DLG2: variants seen among roughly 807,000 people sequenced by gnomAD.
DLG2 encodes disks large homolog 2.
In DLG2, 45 loss-of-function variants were observed where a neutral mutation model predicts 132.5. That is an observed-to-expected ratio of 0.34 (90% confidence interval 0.27 to 0.44). The LOEUF is 0.44. Among genes scored for constraint, DLG2 ranks in the 20% least tolerant of loss-of-function variants. DLG2 has a pLI of 1.00. For synonymous variants in DLG2, 424 were observed against 419.6 expected (o/e 1.01, Z -0.13); for missense variants, 1,045 against 1,196.9 (o/e 0.87, Z 1.87).
At chr11:85,423,382 A>T (rs1177905888) in intron 3 of DLG2, among the ~76,000 whole-genome samples, 2 of 152,180 alleles carry the variant, frequency 1.3e-5, no homozygotes, top group Non-Finnish European at 2.9e-5. Context: ...TGGTGGTTTA[A>T]TGCACTATAT....
intron 10 of DLG2, among the ~76,000 whole-genome samples, chr11:84,082,115 T>C (rs1163853801): frequency 6.6e-6 from 1 of 152,218 alleles, no homozygotes; most frequent in Non-Finnish European, 1.5e-5. Flanking sequence ...GCTGCATAAA[T>C]GTCTTGAACT....
intron 3 of DLG2, among the ~76,000 whole-genome samples, chr11:85,464,363 G>T (rs1390558846): frequency 6.6e-6 from 1 of 152,068 alleles, no homozygotes; most frequent in African/African-American, 2.4e-5. Flanking sequence ...TTCCCTGAAG[G>T]CTTGGAGGTT....
intron 8 of DLG2, among the ~76,000 whole-genome samples, chr11:84,180,467 C>T (rs1183180129): frequency 6.6e-6 from 1 of 151,962 alleles, no homozygotes; most frequent in Non-Finnish European, 1.5e-5. Flanking sequence ...ATATTTGAGG[C>T]AATAATGACT....
At chr11:84,001,655 C>A (rs867825919) in intron 11 of DLG2, among the ~76,000 whole-genome samples, 1 of 152,036 alleles carries the variant, frequency 6.6e-6, no homozygotes, top group Non-Finnish European at 1.5e-5. Context: ...TTCTTATCAG[C>A]GCATGAAACA....
intron 16 of DLG2, among the ~76,000 whole-genome samples, chr11:83,865,549 A>G (rs2062178086): frequency 6.6e-6 from 1 of 152,076 alleles, no homozygotes; most frequent in African/African-American, 2.4e-5. Flanking sequence ...TTCTGTAGAG[A>G]AGGGAGGGGA....
At chr11:83,902,614 G>A (rs913657299) in intron 15 of DLG2, among the ~76,000 whole-genome samples, 1 of 152,140 alleles carries the variant, frequency 6.6e-6, no homozygotes. Flanking sequence ...TTGTAAACAT[G>A]TGCAACCTCC....
intron 7 of DLG2, among the ~76,000 whole-genome samples, chr11:84,484,130 G>T (rs1195939330): frequency 1.3e-5 from 2 of 152,124 alleles, no homozygotes; most frequent in African/African-American, 2.4e-5. Context: ...TACAAGAGAT[G>T]GTTGCACCTC....
intron 7 of DLG2, among the ~76,000 whole-genome samples, chr11:84,323,721 T>C (rs1009484100): frequency 1.3e-5 from 1 of 78,978 alleles, no homozygotes; most frequent in Middle Eastern, 6.0e-3. Flanking sequence ...TCTTTTTTCC[T>C]TTTTTTTTTT....
chr11:84,464,538 T>C (rs2099088988), intron 7 of DLG2, among the ~76,000 whole-genome samples: 1 of 151,222 alleles, frequency 6.6e-6, no homozygotes, highest in Admixed American at 6.6e-5. Flanking sequence ...TAACTATCTG[T>C]TTTGACTTTA....
intron 10 of DLG2, among the ~76,000 whole-genome samples, chr11:84,079,414 G>A (rs943309066): frequency 5.9e-5 from 9 of 152,016 alleles, no homozygotes; most frequent in Non-Finnish European, 1.2e-4. Context: ...CTCCCAAGTA[G>A]CTGGGATTAT....
intron 19 of DLG2, among the ~76,000 whole-genome samples, chr11:83,554,623 A>C (rs1048738926): frequency 2.0e-5 from 3 of 152,182 alleles, no homozygotes; most frequent in Non-Finnish European, 4.4e-5. Context: ...CTATCTAACA[A>C]TATTTACCTC....
At chr11:84,334,984 C>G (rs1261407931) in intron 7 of DLG2, among the ~76,000 whole-genome samples, 1 of 151,806 alleles carries the variant, frequency 6.6e-6, no homozygotes, top group Non-Finnish European at 1.5e-5. Context: ...ATATACAGCT[C>G]TACAGGAAGA....
intron 22 of DLG2, among the ~76,000 whole-genome samples, chr11:83,473,194 G>A (rs2092273552): frequency 6.6e-6 from 1 of 152,038 alleles, no homozygotes; most frequent in Non-Finnish European, 1.5e-5. Context: ...ATTTCCCCAA[G>A]AAGCACACTG....
chr11:84,426,983 C>T (rs2154471297), intron 7 of DLG2, among the ~76,000 whole-genome samples: 1 of 152,252 alleles, frequency 6.6e-6, no homozygotes, highest in East Asian at 1.9e-4. Flanking sequence ...AGTCATTATA[C>T]TAACAATTCC....
chr11:84,247,353 C>T (rs978052645), intron 8 of DLG2, among the ~76,000 whole-genome samples: 3 of 152,156 alleles, frequency 2.0e-5, no homozygotes, highest in African/African-American at 7.2e-5. Context: ...GCTCTAATCA[C>T]TCTGAGCTCC....
chr11:83,677,098 C>T (rs11233711), intron 18 of DLG2, among the ~76,000 whole-genome samples: 23,340 of 152,052 alleles, frequency 0.15, 2,171 homozygotes, highest in South Asian at 0.24. Context: ...CAGCTATTTT[C>T]TCCCCTAATT....
intron 7 of DLG2, among the ~76,000 whole-genome samples, chr11:84,426,462 A>G (rs1157107746): frequency 3.3e-5 from 5 of 152,168 alleles, no homozygotes; most frequent in African/African-American, 1.2e-4. Context: ...ATCTTTGGAC[A>G]TATTAATTGA....
intron 5 of DLG2, among the ~76,000 whole-genome samples, chr11:85,152,958 C>T (rs1311814436): frequency 6.6e-6 from 1 of 152,142 alleles, no homozygotes; most frequent in Non-Finnish European, 1.5e-5. Flanking sequence ...TATCAAACAA[C>T]TAAAACAGTA....
At chr11:84,578,720 T>A (rs1211173938) in intron 6 of DLG2, among the ~76,000 whole-genome samples, 1 of 152,086 alleles carries the variant, frequency 6.6e-6, no homozygotes, top group Non-Finnish European at 1.5e-5. Context: ...GACTTTTGGG[T>A]TAACACTGAA....
Sources: allele counts gnomAD v4.1 joint callset (sites outside exome capture counted in the v4.1 genomes callset), GRCh38; gene constraint gnomAD v4.1.1; transcripts MANE v1.5; gene names NCBI Gene and HGNC (gene_info 2026-07-23, HGNC 2026-07-21).